Variants in SGSM3 observed in about 807,000 individuals in gnomAD.
The protein encoded by SGSM3 is small G protein signaling modulator 3.
A neutral mutation model predicts 100.5 loss-of-function variants in SGSM3; 96 were observed. The observed-to-expected ratio is 0.96, with a 90% confidence interval of 0.81 to 1.13. The LOEUF is 1.13. Among genes scored for constraint, SGSM3 ranks in the 50% most tolerant of loss-of-function variants. SGSM3 has a pLI of 0.00. For missense variants in SGSM3, 1,001 were observed against 1,015.8 expected (o/e 0.99, Z 0.20); for synonymous variants, 483 against 422.8 (o/e 1.14, Z -1.75).
At chr22:40,400,288 C>T (rs934988350) in intron 1 of SGSM3, among the ~76,000 whole-genome samples, 4 of 152,212 alleles carry the variant, frequency 2.6e-5, no homozygotes, top group Admixed American at 2.0e-4. Context: ...CACATCTCCT[C>T]GTTGTCACCT....
chr22:40,400,151 G>C (rs2050555397), intron 1 of SGSM3, among the ~76,000 whole-genome samples: 1 of 152,204 alleles, frequency 6.6e-6, no homozygotes. Flanking sequence ...TATGGACCAG[G>C]ATAACAACTG....
chr22:40,402,283 G>A (rs1569197412), intron 4 of SGSM3, 78 bp downstream of exon 4: 6 of 1,067,340 alleles, frequency 5.6e-6, no homozygotes, highest in South Asian at 3.8e-5. Flanking sequence ...TGAATTACTC[G>A]GCCTGTGATG....
chr22:40,409,863 C>G lies in SGSM3; in HGVS notation c.*104C>G. ...AGCTCCAGAGCCCTGGCCGGGGCCG[C>G]GGGATATCAATATCAGGCTGCCCCA... On this transcript the variant is annotated 3_prime_UTR_variant, in exon 22 of 22. Coordinates refer to ENST00000248929, the MANE Select transcript of SGSM3 (RefSeq NM_015705.6). 6.8e-7 allele frequency: 1 copy of G among 1,480,018 alleles called. No individual in the cohort carries two copies. The highest frequency in any genetic ancestry group is 2.4e-5 in the Admixed American group (1 of 41,182). 91.7% of individuals were successfully genotyped at this position (1,480,018 alleles called of 1,614,324 possible). A position where few individuals can be genotyped will look rare whatever the true frequency, so the allele number is the denominator to read the frequency against.
intron 6 of SGSM3, 83 bp downstream of exon 6, chr22:40,404,747 G>C (rs2146977245): frequency 1.0e-6 from 1 of 963,520 alleles, no homozygotes; most frequent in Middle Eastern, 2.8e-4. Context: ...GGTTCTTAGA[G>C]TGTGCCCTTG....
chr22:40,404,499 G>T (rs1012572575), intron 5 of SGSM3, 44 bp downstream of exon 5: 1 of 1,610,508 alleles, frequency 6.2e-7, no homozygotes, highest in African/African-American at 1.3e-5. Context: ...GAGGGTCCTG[G>T]CCCCATGATC....
At chr22:40,408,896 G>A (rs1261807570) in intron 18 of SGSM3, 37 bp from the exon 19 acceptor site, 1 of 1,613,918 alleles carries the variant, frequency 6.2e-7, no homozygotes, top group South Asian at 1.1e-5. Flanking sequence ...TTAGCCTGTG[G>A]GGGAGCCTGA....
intron 1 of SGSM3, among the ~76,000 whole-genome samples, chr22:40,390,075 G>A (rs928563324): frequency 2.0e-5 from 3 of 152,102 alleles, no homozygotes; most frequent in African/African-American, 7.2e-5. Context: ...CACAGATACG[G>A]AACAAGTCAT....
rs577569310 is a variant in SGSM3 at position 40,378,013 on chromosome 22, T to C, written c.-112+7325T>C. On this transcript the variant is annotated intron_variant, in intron 1 of 21. Coordinates refer to ENST00000248929, the MANE Select transcript of SGSM3 (RefSeq NM_015705.6). ...ACTAGCAAACAGATTTCTGCCCACG[T>C]TAAAGCCTAAGGCAGGGCTATCCAC... 1.4e-4 allele frequency among the ~76,000 whole-genome samples: 22 copies of C among 152,298 alleles called. No homozygotes were observed. The East Asian group carries it at 3.5e-3, about 24-fold the overall frequency.
chr22:40,400,070 A>G (rs1379722277), intron 1 of SGSM3, among the ~76,000 whole-genome samples: 2 of 152,106 alleles, frequency 1.3e-5, no homozygotes, highest in Admixed American at 1.3e-4. Context: ...CACTTACCTA[A>G]TTCTTCCCGA....
In SGSM3 at chr22:40,404,249, G is replaced by A. The variant is rs1271872449; in HGVS notation, c.160G>A (p.Gly54Ser). The change falls in exon 5 of 22, where the codon GGT (glycine) becomes AGT (serine). Residue 54 changes from glycine to serine, a missense_variant and splice_region_variant. By Grantham distance (56) the Gly-to-Ser change is moderately conservative. Coordinates refer to ENST00000248929, the MANE Select transcript of SGSM3 (RefSeq NM_015705.6). ...EFGFRVYKEE[G>S]DEPGSSLLAN... ...CCTCCTTGGCTCTCTCTTGGCAGAA[G>A]GTGATGAGCCTGGCTCCAGTCTGCT... The A allele has an allele frequency of 6.6e-7, 1 of 1,511,330 alleles. No individual in the cohort carries two copies. The highest frequency in any genetic ancestry group is 1.4e-5 in the African/African-American group (1 of 71,552). 93.6% of individuals were successfully genotyped at this position (1,511,330 alleles called of 1,614,324 possible). A position where few individuals can be genotyped will look rare whatever the true frequency, so the allele number is the denominator to read the frequency against.
rs1411711668 is a variant in SGSM3 at position 40,393,647 on chromosome 22, G to A, written c.-111-7049G>A. On this transcript the variant is annotated intron_variant, in intron 1 of 21. Coordinates refer to ENST00000248929, the MANE Select transcript of SGSM3 (RefSeq NM_015705.6). ...CCCACTCCTTGTCTTAGTTTGTTTT[G>A]TGCTGCTGTAACAGAATATGCTGGG... 2.0e-5 allele frequency among the ~76,000 whole-genome samples: 3 copies of A among 152,172 alleles called. No individual in the cohort carries two copies. The East Asian group carries it at 5.8e-4, about 29-fold the overall frequency.
Position 40,405,864 on chromosome 22 carries a change from C to G in SGSM3, c.814+20C>G. On this transcript the variant is annotated intron_variant, in intron 8 of 21. Coordinates refer to ENST00000248929, the MANE Select transcript of SGSM3 (RefSeq NM_015705.6). ...ACATTGGTAAGGCGCCCCTGAGCCA[C>G]TGGCTCCCATTCTGCAGCTTGGAGG... 6.3e-7 allele frequency: 1 copy of G among 1,598,190 alleles called. No homozygotes were observed. The highest frequency in any genetic ancestry group is 1.1e-5 in the South Asian group (1 of 89,908).
rs141629102 is a variant in SGSM3, at chr22:40,405,127, T to C, written c.475-14T>C. ...AAGGTCTTGTTATTGTGGGTGCCGA[T>C]GGCTGCCTGACAGATCGAGAAGGAC... is the stretch of plus-strand genomic sequence containing the variant. On this transcript the variant is annotated splice_polypyrimidine_tract_variant and intron_variant, in intron 6 of 21. Coordinates refer to ENST00000248929, the MANE Select transcript of SGSM3 (RefSeq NM_015705.6). The C allele has an allele frequency of 3.4e-6, 5 of 1,489,934 alleles. No homozygotes were observed. Among genetic ancestry groups the C allele is most frequent in the Non-Finnish European group, 4.5e-6 (5 of 1,118,078 alleles). The allele number at this position is 1,489,934 out of a possible 1,614,324, so 92.3% of individuals were successfully genotyped here.
intron 3 of SGSM3, 64 bp from the exon 4 acceptor site, chr22:40,402,075 C>T (rs2050828975): frequency 7.8e-7 from 1 of 1,284,286 alleles, no homozygotes; most frequent in Admixed American, 1.7e-5. Context: ...TGGGTGGCAT[C>T]TTTCAGACCT....
rs1482944550 is a variant in SGSM3 at position 40,409,825 on chromosome 22, C to T, written c.*66C>T. Reference sequence around the variant, plus strand: ...TGGCCCAGGACCCCAAGCTGCAGAGCCCAGGGAAGAGCAGCTCCAGAGCCC... The same window carrying T: ...TGGCCCAGGACCCCAAGCTGCAGAGTCCAGGGAAGAGCAGCTCCAGAGCCC... On this transcript the variant is annotated 3_prime_UTR_variant, in exon 22 of 22. Coordinates refer to ENST00000248929, the MANE Select transcript of SGSM3 (RefSeq NM_015705.6). The T allele has an allele frequency of 3.2e-6, 5 of 1,559,052 alleles. No homozygotes were observed. The highest frequency in any genetic ancestry group is 4.3e-6 in the Non-Finnish European group (5 of 1,158,912).
Position 40,407,405 on chromosome 22 carries a change from T to G in SGSM3, c.1369-8T>G, listed in dbSNP as rs763358970. On this transcript the variant is annotated splice_region_variant and splice_polypyrimidine_tract_variant and intron_variant, in intron 12 of 21. Transcript: ENST00000248929. The surrounding 1 kb of genome is among the most constrained non-coding windows in gnomAD (Gnocchi z 4.7). The stretch of plus-strand genomic sequence containing the variant: ...ACCCCCTTGGTGGGCCTGTGTTCAC[T>G]GTGGCAGGAGCTGACTCCAGACTAT... 2.5e-6 allele frequency: 4 copies of G among 1,611,408 alleles called. No homozygotes were observed. In the Admixed American group the frequency reaches 6.7e-5, roughly 27 times the overall value.
In SGSM3 at chr22:40,408,433, A is replaced by T; in HGVS notation, c.1782+4A>T. On this transcript the variant is annotated splice_donor_region_variant and intron_variant, in intron 16 of 21. Transcript: ENST00000248929. ...CCCCTGGCTGTTTATCGAGGAGGTA[A>T]GTCAGTGGCTGGGCCCATGACCCCC... The T allele has an allele frequency of 6.2e-7, 1 of 1,613,336 alleles. No individual in the cohort carries two copies. Among genetic ancestry groups the T allele is most frequent in the Non-Finnish European group, 8.5e-7 (1 of 1,179,928 alleles).
chr22:40,374,660 T>C (rs376133805), intron 1 of SGSM3, among the ~76,000 whole-genome samples: 5 of 152,144 alleles, frequency 3.3e-5, no homozygotes, highest in Non-Finnish European at 7.4e-5. Context: ...AGGTAGAGGA[T>C]TGCTTGAGCC....
chr22:40,406,561 A>G lies in SGSM3; in HGVS notation c.1084A>G (p.Thr362Ala). Reference sequence around the variant, plus strand: ...GGCCATGCGGCTGGCCGGCTCCCTCACCGATGTGGCCGTGGAGACTCAGCG... The same window carrying G: ...GGCCATGCGGCTGGCCGGCTCCCTCGCCGATGTGGCCGTGGAGACTCAGCG... ...GVAMRLAGSL[T>A]DVAVETQRRK... The change falls in exon 10 of 22, where the codon ACC (threonine) becomes GCC (alanine). Residue 362 changes from threonine (T) to alanine (A), a missense_variant. Coordinates refer to ENST00000248929, the MANE Select transcript of SGSM3 (RefSeq NM_015705.6). 1 of 1,612,964 alleles carries G rather than the reference A, an allele frequency of 6.2e-7. No individual in the cohort carries two copies. The highest frequency in any genetic ancestry group is 8.5e-7 in the Non-Finnish European group (1 of 1,179,878).
Sources: allele counts gnomAD v4.1 joint callset (sites outside exome capture counted in the v4.1 genomes callset), GRCh38; gene constraint gnomAD v4.1.1; non-coding constraint Gnocchi (gnomAD v3.1); transcripts MANE v1.5; gene names NCBI Gene and HGNC (gene_info 2026-07-23, HGNC 2026-07-21).